The following GNL3L variants were observed in gnomAD, a reference collection of about 807,000 sequenced individuals.
GNL3L encodes G protein nucleolar 3 like.
Under a neutral mutation model 42.9 loss-of-function variants are expected in GNL3L, and 4 were observed. The observed-to-expected ratio is 0.09, with a 90% CI of 0.05 to 0.21. The LOEUF (loss-of-function observed/expected upper bound fraction) is 0.21. GNL3L is among the 10% of genes least tolerant of loss of function. The pLI, the probability that GNL3L is intolerant of heterozygous loss-of-function variation, is 1.00. For missense variants in GNL3L, 412 were observed against 481.7 expected, an observed-to-expected ratio of 0.86 and a Z score of 1.36; for synonymous variants, 159 against 176.3, an observed-to-expected ratio of 0.90 and a Z score of 0.78.
the GNL3L span, among the ~76,000 whole-genome samples, chrX:54,638,564 G>A: frequency 8.2e-3 from 916 of 111,540 alleles, 11 homozygotes; most frequent in African/African-American, 0.028. Flanking sequence ...TCCGCCTCCC[G>A]GGTTCAAGCG....
At chrX:54,606,998 TTCTTTCTTTC>T (rs1449507845) in intron 16 of GNL3L, among the ~76,000 whole-genome samples, 1 of 16,625 alleles carries the variant, frequency 6.0e-5, no homozygotes, top group Admixed American at 6.6e-4. Context: ...TTCCTTTCCT[TTCTTTCTTTC>T]TTTCTTTCTT....
At chrX:54,532,126 T>C (rs937873737) in intron 1 of GNL3L, among the ~76,000 whole-genome samples, 2 of 110,288 alleles carry the variant, frequency 1.8e-5, no homozygotes, top group Non-Finnish European at 3.8e-5. Context: ...CATATAGAAA[T>C]AGACCATCCT....
At chrX:54,634,787 CTTTT>C in the GNL3L span, among the ~76,000 whole-genome samples, 3 of 51,591 alleles carry the variant, frequency 5.8e-5, no homozygotes, top group Non-Finnish European at 1.0e-4. Context: ...GCGCCCGGCT[CTTTT>C]TTTTTTTTTT....
At chrX:54,645,191 A>G in the GNL3L span, among the ~76,000 whole-genome samples, 1 of 111,513 alleles carries the variant, frequency 9.0e-6, no homozygotes, top group African/African-American at 3.3e-5. Flanking sequence ...AGCTATCCCA[A>G]GTTTGTGCCT....
In GNL3L at chrX:54,562,446, C is replaced by T. The variant is rs1925296272; in HGVS notation, c.*1844C>T. ...AACCATGTGACAAGGACTGGAGTGC[C>T]ATTGGCTGTGGACTGTTCAGGCAGG... On this transcript the variant is annotated 3_prime_UTR_variant, in exon 16 of 16. Coordinates refer to ENST00000360845, the MANE Select transcript of GNL3L (RefSeq NM_001184819.2). Among the ~76,000 whole-genome samples, 1 of 111,311 alleles carries T rather than the reference C, an allele frequency of 9.0e-6. No homozygotes were observed. The highest frequency in any genetic ancestry group is 3.3e-5 in the African/African-American group (1 of 30,650).
chrX:54,592,652 C>T (rs1442001044), intron 16 of GNL3L, among the ~76,000 whole-genome samples: 1 of 110,160 alleles, frequency 9.1e-6, no homozygotes, highest in African/African-American at 3.3e-5. Flanking sequence ...CCTGTCTCTA[C>T]AAAAAGTACA....
chrX:54,628,934 TTA>T, the GNL3L span, among the ~76,000 whole-genome samples: 1 of 105,850 alleles, frequency 9.4e-6, no homozygotes, highest in African/African-American at 3.4e-5. Context: ...TAAAATATAA[TTA>T]TATAAAATAT....
In GNL3L at chrX:54,542,995, A is replaced by C; in HGVS notation, c.347A>C (p.Asp116Ala). 1.7e-6 allele frequency: 2 copies of C among 1,195,423 alleles called. No homozygotes were observed. The highest frequency in any genetic ancestry group is 2.3e-6 in the Non-Finnish European group (2 of 881,150). ...GAATTAAATATGTTTCCTCAGCTGG[A>C]TGACGAGGCCACGAGGAAGGCTTAT... is the stretch of plus-strand genomic sequence containing the variant. ...LQELNMFPQL[D>A]DEATRKAYYK... Residue 116 changes from aspartate to alanine, a missense_variant, in exon 6 of 16, where the codon GAT (aspartate) becomes GCT (alanine). Physicochemically the swap from Asp to Ala is moderately radical, Grantham distance 126. Coordinates refer to ENST00000360845, the MANE Select transcript of GNL3L (RefSeq NM_001184819.2).
the GNL3L span, among the ~76,000 whole-genome samples, chrX:54,631,309 C>T: frequency 9.0e-6 from 1 of 110,752 alleles, no homozygotes; most frequent in Non-Finnish European, 1.9e-5. Context: ...GTCTTGATGA[C>T]CTGTCTAGTG....
intron 16 of GNL3L, among the ~76,000 whole-genome samples, chrX:54,600,842 A>G (rs1482227682): frequency 2.7e-5 from 3 of 111,490 alleles, no homozygotes; most frequent in Non-Finnish European, 5.6e-5. Flanking sequence ...CAGCAACACC[A>G]CTACTAGGTA....
chrX:54,580,169 C>T (rs1250386803), intron 16 of GNL3L, among the ~76,000 whole-genome samples: 1 of 68,741 alleles, frequency 1.5e-5, no homozygotes, highest in Non-Finnish European at 2.5e-5. Flanking sequence ...CTACAACAGG[C>T]CCCGGTGTGT....
chrX:54,532,620 CTT>C, intron 2 of GNL3L, 35 bp downstream of exon 2: 1 of 1,079,144 alleles, frequency 9.3e-7, no homozygotes, highest in East Asian at 3.0e-5. Flanking sequence ...CAATCCTGTG[CTT>C]TTAATGAATA....
rs1924946966 is a variant in GNL3L at position 54,551,738 on chromosome X, A to G, written c.1034A>G (p.Glu345Gly). Reference sequence around the variant, plus strand: ...ACCATCCTGCAGCGCTGCAACCTGGAGGAGGTCCGCAGCAGAGCCCTGGCT... The same window carrying G: ...ACCATCCTGCAGCGCTGCAACCTGGGGGAGGTCCGCAGCAGAGCCCTGGCT... ...VETILQRCNLEEISNYYGVSG... is the reference protein window; with the variant it reads ...VETILQRCNLGEISNYYGVSG... The change falls in exon 11 of 16, where the codon GAG (glutamate) becomes GGG (glycine). Residue 345 changes from glutamate to glycine, a missense_variant. Glu to Gly is a moderately conservative substitution (Grantham distance 98). Transcript: ENST00000360845. The G allele has an allele frequency of 8.3e-7, 1 of 1,209,209 alleles. No homozygotes were observed. Among genetic ancestry groups the G allele is most frequent in the Non-Finnish European group, 1.1e-6 (1 of 894,344 alleles).
At chrX:54,532,965 G>A (rs901334735) in intron 2 of GNL3L, among the ~76,000 whole-genome samples, 5 of 111,871 alleles carry the variant, frequency 4.5e-5, no homozygotes, top group Non-Finnish European at 9.4e-5. Context: ...AGCCTTCACA[G>A]CAACTTTTAA....
chrX:54,549,345 A>T (rs1924863344), intron 9 of GNL3L, among the ~76,000 whole-genome samples: 1 of 111,341 alleles, frequency 9.0e-6, no homozygotes, highest in African/African-American at 3.3e-5. Context: ...AAATGCATGT[A>T]GACCAAGCCC....
chrX:54,609,066 A>G (rs1926133915), intron 16 of GNL3L, among the ~76,000 whole-genome samples: 1 of 112,028 alleles, frequency 8.9e-6, no homozygotes, highest in South Asian at 3.7e-4. Context: ...GTAAGGCAGT[A>G]TCTCATTGTG....
At chrX:54,600,206 CTTTTTTTTTTTTTTTTTTT>C (rs1172527598) in intron 16 of GNL3L, among the ~76,000 whole-genome samples, 13 of 13,401 alleles carry the variant, frequency 9.7e-4, no homozygotes, top group African/African-American at 3.3e-3. Context: ...CAATCTGCTG[CTTTTTTTTTTTTTTTTTTT>C]TTTTTTTTTT....
At chrX:54,554,262 T>TG (rs1319105664) in intron 13 of GNL3L, among the ~76,000 whole-genome samples, 1 of 111,203 alleles carries the variant, frequency 9.0e-6, no homozygotes, top group Non-Finnish European at 1.9e-5. Context: ...AGCAGCATCT[T>TG]GGGCCAGAGC....
At chrX:54,537,730 G>A (rs1924483466) in intron 2 of GNL3L, among the ~76,000 whole-genome samples, 1 of 111,155 alleles carries the variant, frequency 9.0e-6, no homozygotes, top group East Asian at 2.8e-4. Context: ...CAACAGGCAG[G>A]TGCTACTGTG....
Sources: gnomAD v4.1 joint callset for allele counts (sites outside exome capture counted in the v4.1 genomes callset) on GRCh38, gnomAD v4.1.1 for gene constraint, MANE v1.5 for transcripts, NCBI Gene and HGNC (gene_info 2026-07-23, HGNC 2026-07-21) for gene names.